Variants in ZRANB3 observed in about 807,000 individuals in gnomAD.
ZRANB3 encodes the protein DNA annealing helicase and endonuclease ZRANB3.
A neutral mutation model predicts 133.8 loss-of-function variants in ZRANB3; 125 were observed. That is an observed-to-expected ratio of 0.93 (90% CI 0.81 to 1.08). ZRANB3 has a LOEUF of 1.08. ZRANB3 is among the 50% of genes least tolerant of loss of function. ZRANB3 has a pLI of 0.00. For synonymous variants in ZRANB3, 387 were observed against 432.7 expected, an observed-to-expected ratio of 0.89 and a Z score of 1.31; for missense variants, 1,229 against 1,275.5, an observed-to-expected ratio of 0.96 and a Z score of 0.56.
intron 8 of ZRANB3, among the ~76,000 whole-genome samples, chr2:135,308,002 G>A (rs1177390810): frequency 6.6e-6 from 1 of 152,150 alleles, no homozygotes; most frequent in Non-Finnish European, 1.5e-5. Flanking sequence ...GTGGTAGATT[G>A]ATCTTGAAGG....
At chr2:135,475,745 C>T (rs998619063) in intron 2 of ZRANB3, among the ~76,000 whole-genome samples, 12 of 151,942 alleles carry the variant, frequency 7.9e-5, no homozygotes, top group Admixed American at 1.3e-4. Context: ...TTAAATTAAC[C>T]AAAGAAAAAA....
intron 1 of ZRANB3, chr2:135,530,487 T>C (rs1316122912): frequency 2.0e-5 from 3 of 152,204 alleles, no homozygotes; most frequent in Non-Finnish European, 4.4e-5. Context: ...TGCAAGAAAC[T>C]AGCGACTTGC....
At chr2:135,234,990 GAA>G (rs1695219649) in intron 12 of ZRANB3, among the ~76,000 whole-genome samples, 2 of 152,164 alleles carry the variant, frequency 1.3e-5, no homozygotes, top group African/African-American at 4.8e-5. Flanking sequence ...AAAATTCAAT[GAA>G]TCCAGGAGCT....
chr2:135,313,489 C>T lies in ZRANB3; in HGVS notation c.966G>A (p.Lys322=). 1 of 1,600,984 alleles carries T rather than the reference C, an allele frequency of 6.2e-7. No individual in the cohort carries two copies. Among genetic ancestry groups the T allele is most frequent in the Non-Finnish European group, 8.5e-7 (1 of 1,170,126 alleles). Reference sequence around the variant, plus strand: ...TACATGATGGCCCAGCAAAGAGTACCTTGGCAATAGCAGTTTGTTTAAACA... The same window carrying T: ...TACATGATGGCCCAGCAAAGAGTACTTTGGCAATAGCAGTTTGTTTAAACA... ...TRMFKQTAIA[K]AGAVKDYIKM... The change falls in exon 8 of 21, where the codon AAG becomes AAA. Residue 322 remains lysine (K), a splice_region_variant and synonymous_variant. Coordinates refer to ENST00000264159, the MANE Select transcript of ZRANB3 (RefSeq NM_032143.4).
intron 1 of ZRANB3, among the ~76,000 whole-genome samples, chr2:135,522,105 A>G (rs1027535994): frequency 6.6e-6 from 1 of 152,142 alleles, no homozygotes; most frequent in Non-Finnish European, 1.5e-5. Flanking sequence ...TTCTCCTGAA[A>G]CCCACTCCCA....
intron 2 of ZRANB3, among the ~76,000 whole-genome samples, chr2:135,503,709 C>T (rs899600601): frequency 3.9e-5 from 6 of 152,002 alleles, no homozygotes; most frequent in African/African-American, 1.4e-4. Flanking sequence ...GCCTGTAATC[C>T]CAGCACTTTG....
intron 2 of ZRANB3, among the ~76,000 whole-genome samples, chr2:135,475,210 C>G (rs1691451810): frequency 6.6e-6 from 1 of 152,158 alleles, no homozygotes; most frequent in Non-Finnish European, 1.5e-5. Context: ...TCCCCAATTT[C>G]TAGTTTCTGA....
In ZRANB3 at chr2:135,390,842, A is replaced by T. The variant is rs573697459; in HGVS notation, c.162-22T>A. On this transcript the variant is annotated intron_variant, in intron 2 of 20. Coordinates refer to ENST00000264159, the MANE Select transcript of ZRANB3 (RefSeq NM_032143.4). ...ACACCTGGAAAAAAAAAAAAAAAAA[A>T]ATTAATTATCAGAGTGAACCTTTTT... The T allele has an allele frequency of 5.4e-5, 81 of 1,498,940 alleles. 1 individual carries two copies. In the African/African-American group the frequency reaches 1.1e-3, roughly 21 times the overall value. 92.9% of individuals were successfully genotyped at this position (1,498,940 alleles called of 1,614,324 possible). A position where few individuals can be genotyped will look rare whatever the true frequency, so the allele number is the denominator to read the frequency against.
intron 2 of ZRANB3, among the ~76,000 whole-genome samples, chr2:135,415,987 C>A (rs891610647): frequency 6.6e-6 from 1 of 151,944 alleles, no homozygotes; most frequent in African/African-American, 2.4e-5. Flanking sequence ...TATGACAAAC[C>A]CACAGCCAAT....
chr2:135,282,993 A>G (rs1184601992), intron 8 of ZRANB3, among the ~76,000 whole-genome samples: 4 of 152,232 alleles, frequency 2.6e-5, no homozygotes, highest in African/African-American at 9.6e-5. Context: ...TGATCAAAAC[A>G]GCTAATCTAG....
chr2:135,269,290 AG>A, intron 10 of ZRANB3, 149 bp from the exon 11 acceptor site: 1 of 594,410 alleles, frequency 1.7e-6, no homozygotes, highest in East Asian at 3.3e-5. Flanking sequence ...AATTCATGAA[AG>A]GCAAATGAAG....
At chr2:135,391,649 C>T (rs112370379) in intron 2 of ZRANB3, among the ~76,000 whole-genome samples, 10,350 of 150,776 alleles carry the variant, frequency 0.069, 739 homozygotes, top group African/African-American at 0.18. Flanking sequence ...GTGCGATCTC[C>T]GCTCACTGCA....
At chr2:135,405,877 T>C (rs986380927) in intron 2 of ZRANB3, among the ~76,000 whole-genome samples, 1 of 152,126 alleles carries the variant, frequency 6.6e-6, no homozygotes. Context: ...AGGAAAGATC[T>C]AAAATTGACA....
Position 135,468,726 on chromosome 2 carries a change from T to C in ZRANB3, c.161+35603A>G, listed in dbSNP as rs546377142. ...ATGTTAATGCAACAAGAAAGTATTA[T>C]GAGAAATGAGTTTTTGCCCATAGAA... On this transcript the variant is annotated intron_variant, in intron 2 of 20. Transcript: ENST00000264159. 5.3e-5 allele frequency among the ~76,000 whole-genome samples: 8 copies of C among 152,340 alleles called. No individual in the cohort carries two copies. The South Asian group carries it at 1.4e-3, about 28-fold the overall frequency.
chr2:135,295,397 A>C (rs1225928083), intron 8 of ZRANB3, among the ~76,000 whole-genome samples: 6 of 152,082 alleles, frequency 3.9e-5, no homozygotes, highest in Non-Finnish European at 8.8e-5. Flanking sequence ...CTAGGATTGC[A>C]ACCCCTGCCT....
intron 1 of ZRANB3, among the ~76,000 whole-genome samples, chr2:135,522,458 G>A (rs1166503497): frequency 1.3e-5 from 2 of 152,084 alleles, no homozygotes; most frequent in African/African-American, 4.8e-5. Flanking sequence ...GTGTGGGGCT[G>A]GTTTCCCCAA....
chr2:135,424,914 C>T (rs6733706), intron 2 of ZRANB3, among the ~76,000 whole-genome samples: 40,718 of 152,004 alleles, frequency 0.27, 9,093 homozygotes, highest in African/African-American at 0.6. Flanking sequence ...AAAGGTTTCA[C>T]ACAAAAGGTA....
At chr2:135,238,332 C>G (rs994910925) in intron 12 of ZRANB3, among the ~76,000 whole-genome samples, 1 of 151,620 alleles carries the variant, frequency 6.6e-6, no homozygotes, top group Admixed American at 6.6e-5. Context: ...CTTCCTTGAA[C>G]GTGAGTAGAC....
At chr2:135,402,257 CT>C (rs2104940402) in intron 2 of ZRANB3, among the ~76,000 whole-genome samples, 1 of 150,536 alleles carries the variant, frequency 6.6e-6, no homozygotes, top group South Asian at 2.1e-4. Context: ...TCAATGTAAA[CT>C]TTATTGCATA....
Sources: gnomAD v4.1 joint callset for allele counts (sites outside exome capture counted in the v4.1 genomes callset) on GRCh38, gnomAD v4.1.1 for gene constraint, MANE v1.5 for transcripts, NCBI Gene and HGNC (gene_info 2026-07-23, HGNC 2026-07-21) for gene names.